Variants in PHACTR1 observed in about 807,000 individuals in gnomAD.
PHACTR1 encodes the protein phosphatase and actin regulator 1, also known as RPEL repeat containing 1.
A neutral mutation model predicts 69.2 loss-of-function variants in PHACTR1; 16 were observed. The observed-to-expected ratio is 0.23, with a 90% confidence interval of 0.16 to 0.35. The LOEUF is 0.35. Among genes scored for constraint, PHACTR1 ranks in the 10% least tolerant of loss-of-function variants. The probability of loss-of-function intolerance (pLI) is 1.00; values close to 1 mark genes in which losing one functional copy is unlikely to be tolerated. For missense variants in PHACTR1, 510 were observed against 734.7 expected, an observed-to-expected ratio of 0.69 and a Z score of 3.54; for synonymous variants, 312 against 284.5, an observed-to-expected ratio of 1.10 and a Z score of -0.97.
intron 4 of PHACTR1, among the ~76,000 whole-genome samples, chr6:12,857,995 C>G (rs1458211396): frequency 6.6e-6 from 1 of 152,092 alleles, no homozygotes; most frequent in Admixed American, 6.6e-5. Flanking sequence ...AGATACCGTT[C>G]CAGGCATTTG....
chr6:12,752,957 G>C (rs1202857265), intron 4 of PHACTR1, among the ~76,000 whole-genome samples: 2 of 152,142 alleles, frequency 1.3e-5, no homozygotes, highest in Non-Finnish European at 2.9e-5. Flanking sequence ...TTTAACTTCT[G>C]TTCAGCATTT....
At chr6:12,862,306 A>G (rs539804373) in intron 4 of PHACTR1, among the ~76,000 whole-genome samples, 42 of 152,318 alleles carry the variant, frequency 2.8e-4, no homozygotes, top group Non-Finnish European at 4.4e-4. Flanking sequence ...AGTCCTGTGG[A>G]GATCTGGAGC....
chr6:13,116,997 G>T (rs982381997), intron 5 of PHACTR1, among the ~76,000 whole-genome samples: 1 of 152,166 alleles, frequency 6.6e-6, no homozygotes, highest in African/African-American at 2.4e-5. Context: ...GTGCTCAATT[G>T]CATCTTGGTT....
chr6:12,934,895 A>T (rs1452811041), intron 4 of PHACTR1, among the ~76,000 whole-genome samples: 2 of 152,034 alleles, frequency 1.3e-5, no homozygotes, highest in Non-Finnish European at 2.9e-5. Flanking sequence ...AACCGGGTAC[A>T]CGTTTGTACT....
intron 4 of PHACTR1, among the ~76,000 whole-genome samples, chr6:13,002,196 C>T (rs768519938): frequency 6.6e-6 from 1 of 152,150 alleles, no homozygotes; most frequent in Non-Finnish European, 1.5e-5. Context: ...TTTCAGCAAA[C>T]AACACTCTGT....
intron 4 of PHACTR1, among the ~76,000 whole-genome samples, chr6:13,016,645 T>A (rs1387742319): frequency 1.3e-5 from 2 of 152,208 alleles, no homozygotes; most frequent in African/African-American, 4.8e-5. Flanking sequence ...TTTTTTTTTT[T>A]TCCTGGTATC....
chr6:12,801,483 G>T (rs561996156), intron 4 of PHACTR1, among the ~76,000 whole-genome samples: 1 of 152,208 alleles, frequency 6.6e-6, no homozygotes, highest in South Asian at 2.1e-4. Flanking sequence ...TGATTATAAG[G>T]GTTCACACAT....
intron 4 of PHACTR1, among the ~76,000 whole-genome samples, chr6:13,006,478 T>C (rs1240647798): frequency 6.6e-6 from 1 of 152,204 alleles, no homozygotes; most frequent in African/African-American, 2.4e-5. Flanking sequence ...TCATTTAATC[T>C]CACCGATCTT....
chr6:13,099,491 G>A (rs964545989), intron 5 of PHACTR1, among the ~76,000 whole-genome samples: 2 of 152,206 alleles, frequency 1.3e-5, no homozygotes, highest in Non-Finnish European at 2.9e-5. Flanking sequence ...CACTGATGGT[G>A]GGACAGGCTC....
At chr6:13,207,022 C>A (rs1176816859) in intron 8 of PHACTR1, among the ~76,000 whole-genome samples, 2 of 152,070 alleles carry the variant, frequency 1.3e-5, no homozygotes, top group South Asian at 4.1e-4. Context: ...TCTTTGCATA[C>A]GTGTGAGTGT....
intron 4 of PHACTR1, among the ~76,000 whole-genome samples, chr6:12,828,207 C>T (rs920733498): frequency 3.3e-5 from 5 of 152,148 alleles, no homozygotes; most frequent in African/African-American, 7.2e-5. Context: ...ATAAAATTCT[C>T]GGCTTAAAGT....
chr6:13,088,198 T>C (rs1392525970), intron 5 of PHACTR1, among the ~76,000 whole-genome samples: 1 of 152,176 alleles, frequency 6.6e-6, no homozygotes, highest in Non-Finnish European at 1.5e-5. Context: ...GAATAAAATA[T>C]AATAGATTTT....
At chr6:12,894,099 T>C (rs866551213) in intron 4 of PHACTR1, among the ~76,000 whole-genome samples, 1 of 152,324 alleles carries the variant, frequency 6.6e-6, no homozygotes. Flanking sequence ...AATATTGCAG[T>C]TGAATGATTG....
At chr6:12,869,841 C>T (rs530302735) in intron 4 of PHACTR1, among the ~76,000 whole-genome samples, 115 of 152,240 alleles carry the variant, frequency 7.6e-4, no homozygotes, top group Middle Eastern at 3.4e-3. Flanking sequence ...TTCACACATA[C>T]GAGAGTGTAA....
chr6:12,818,242 T>A (rs1342023863), intron 4 of PHACTR1, among the ~76,000 whole-genome samples: 2 of 152,212 alleles, frequency 1.3e-5, no homozygotes, highest in Non-Finnish European at 2.9e-5. Context: ...GTGACTTGGC[T>A]GGGTGGTTCT....
chr6:13,019,923 A>T (rs1241352002), intron 4 of PHACTR1, among the ~76,000 whole-genome samples: 2 of 152,144 alleles, frequency 1.3e-5, no homozygotes, highest in Non-Finnish European at 2.9e-5. Flanking sequence ...TAAAAGCCTG[A>T]AGGGTGGTAG....
chr6:12,944,146 A>G (rs576674124), intron 4 of PHACTR1, among the ~76,000 whole-genome samples: 1 of 152,338 alleles, frequency 6.6e-6, no homozygotes, highest in East Asian at 1.9e-4. Flanking sequence ...ATTACCAGAC[A>G]GCAGCCATGG....
At chr6:12,915,497 ACT>A (rs1786870688) in intron 4 of PHACTR1, among the ~76,000 whole-genome samples, 2 of 141,240 alleles carry the variant, frequency 1.4e-5, no homozygotes, top group South Asian at 4.6e-4. Context: ...ATAGAGTGAA[ACT>A]CTCTCTCAAA....
Position 13,246,222 on chromosome 6 carries a change from AAAAT to A in PHACTR1, c.1391+16036_1391+16039del, listed in dbSNP as rs559053782. 2.9e-3 allele frequency among the ~76,000 whole-genome samples: 442 copies of A among 152,382 alleles called. 4 individuals carry two copies. Among genetic ancestry groups the A allele is most frequent in the Non-Finnish European group, 3.0e-3 (207 of 68,048 alleles). On this transcript the variant is annotated intron_variant, in intron 10 of 14. Coordinates refer to ENST00000332995, the MANE Select transcript of PHACTR1 (RefSeq NM_030948.6). This position sits in a 1 kb window ranked among gnomAD's most constrained non-coding sequence, Gnocchi z 4.2. ...TATCTTCGTTGATTTTCTCAAAAGA[AAAAT>A]AAATAATGTGGAGGTTTTGAATGAA...
Sources: gnomAD v4.1 joint callset for allele counts (sites outside exome capture counted in the v4.1 genomes callset) on GRCh38, gnomAD v4.1.1 for gene constraint, Gnocchi (gnomAD v3.1) non-coding constraint, MANE v1.5 for transcripts, NCBI Gene and HGNC (gene_info 2026-07-23, HGNC 2026-07-21) for gene names.